Variants in FRAS1 observed in about 807,000 individuals in gnomAD.
FRAS1 encodes extracellular matrix organizing protein FRAS1.
FRAS1 carries 290 observed loss-of-function variants against 435.2 expected under a neutral mutation model. The observed-to-expected ratio is 0.67, with a 90% confidence interval of 0.61 to 0.73. The LOEUF (loss-of-function observed/expected upper bound fraction) is 0.73. Among genes scored for constraint, FRAS1 ranks in the 30% least tolerant of loss-of-function variants. The probability of loss-of-function intolerance (pLI) is 0.00; values close to 1 mark genes in which losing one functional copy is unlikely to be tolerated. For synonymous variants in FRAS1, 1,800 were observed against 1,851.0 expected (o/e 0.97, Z 0.71); for missense variants, 4,860 against 5,001.5 (o/e 0.97, Z 0.85).
intron 69 of FRAS1, among the ~76,000 whole-genome samples, chr4:78,524,592 T>C (rs1721477595): frequency 6.6e-6 from 1 of 152,236 alleles, no homozygotes; most frequent in Non-Finnish European, 1.5e-5. Context: ...ACCTAAGTAG[T>C]ATTTAGGAAT....
chr4:78,361,793 G>A (rs780521167), intron 20 of FRAS1, among the ~76,000 whole-genome samples: 2 of 152,186 alleles, frequency 1.3e-5, no homozygotes, highest in African/African-American at 2.4e-5. Flanking sequence ...GTGCATTAGC[G>A]AGTACAAACA....
chr4:78,289,495 C>T (rs774630079), intron 14 of FRAS1, among the ~76,000 whole-genome samples: 9 of 152,086 alleles, frequency 5.9e-5, no homozygotes, highest in Admixed American at 2.0e-4. Flanking sequence ...GAACCTAAAC[C>T]GGAGACAGAT....
intron 3 of FRAS1, among the ~76,000 whole-genome samples, chr4:78,244,159 A>G (rs866035205): frequency 6.6e-5 from 10 of 152,290 alleles, no homozygotes; most frequent in African/African-American, 2.4e-4. Context: ...CCTATTTCCC[A>G]TCCACTCTTG....
intron 64 of FRAS1, among the ~76,000 whole-genome samples, chr4:78,512,098 G>T (rs954576867): frequency 9.9e-5 from 15 of 152,150 alleles, no homozygotes; most frequent in African/African-American, 3.6e-4. Context: ...CTGAACAAAT[G>T]AATAATAACA....
chr4:78,212,588 C>T (rs1295631572), intron 2 of FRAS1, among the ~76,000 whole-genome samples: 2 of 152,208 alleles, frequency 1.3e-5, no homozygotes, highest in East Asian at 3.8e-4. Flanking sequence ...ATAGAAATGT[C>T]TCCATAAATG....
rs78953905 is a variant in FRAS1, at chr4:78,174,347, C to A, written c.109-63163C>A. Among the ~76,000 whole-genome samples the A allele has an allele frequency of 2.6e-3, 394 of 152,232 alleles. 2 individuals are homozygous for A. The highest frequency in any genetic ancestry group is 9.1e-3 in the African/African-American group (379 of 41,538). On this transcript the variant is annotated intron_variant, in intron 2 of 73. Transcript: ENST00000512123. ...TTCCATATTTGGTAGGATCATGGAA[C>A]CTGCTTAATGAAGACTTGAATGCCA...
At chr4:78,113,226 A>G (rs1742868109) in intron 2 of FRAS1, among the ~76,000 whole-genome samples, 1 of 152,136 alleles carries the variant, frequency 6.6e-6, no homozygotes, top group Non-Finnish European at 1.5e-5. Flanking sequence ...CCAGTCTATC[A>G]TTGTTGGACA....
At chr4:78,280,424 G>A (rs567395276) in intron 10 of FRAS1, among the ~76,000 whole-genome samples, 13 of 152,100 alleles carry the variant, frequency 8.5e-5, no homozygotes, top group African/African-American at 3.1e-4. Flanking sequence ...TACTTAGAAT[G>A]GCATGCAATT....
Position 78,058,096 on chromosome 4 carries a change from G to C in FRAS1, c.76+11G>C. 2.5e-6 allele frequency: 4 copies of C among 1,608,214 alleles called. No individual in the cohort carries two copies. The highest frequency in any genetic ancestry group is 1.4e-5 in the African/African-American group (1 of 73,884). On this transcript the variant is annotated intron_variant, in intron 1 of 73. Transcript: ENST00000512123. ...CTCATCATTCCGAAGGTGAGAGAGCGGTGCCGCGTGTGTGTGTGTGTGTGC... is the reference window on the plus strand; with the variant it reads ...CTCATCATTCCGAAGGTGAGAGAGCCGTGCCGCGTGTGTGTGTGTGTGTGC...
chr4:78,448,890 T>C (rs1463900534), intron 44 of FRAS1, among the ~76,000 whole-genome samples: 1 of 152,214 alleles, frequency 6.6e-6, no homozygotes, highest in Non-Finnish European at 1.5e-5. Flanking sequence ...AGTAGGAAGT[T>C]ACTTAATTAA....
In FRAS1 at chr4:78,438,615, C is replaced by G. The variant is rs373496578; in HGVS notation, c.5263C>G (p.Leu1755Val). The change falls in exon 39 of 74, where the codon CTG becomes GTG. Residue 1755 changes from leucine to valine, a missense_variant. Leu to Val is a conservative substitution (Grantham distance 32, BLOSUM62 1). Transcript: ENST00000512123. ...AGAGATCTGGATTCAGTTAAATTATCTGCCCTCATATGGTACTCTCTTAAG... is the reference window on the plus strand; with the variant it reads ...AGAGATCTGGATTCAGTTAAATTATGTGCCCTCATATGGTACTCTCTTAAG... The part of the protein sequence containing the change: ...DPEIWIQLNY[L>V]PSYGTLLRIS... The G allele has an allele frequency of 1.2e-5, 20 of 1,613,694 alleles. No individual in the cohort carries two copies. The African/African-American group carries it at 1.9e-4, about 15-fold the overall frequency.
At chr4:78,225,265 A>G (rs1028674723) in intron 2 of FRAS1, among the ~76,000 whole-genome samples, 3 of 152,196 alleles carry the variant, frequency 2.0e-5, no homozygotes, top group African/African-American at 7.2e-5. Context: ...CTTGGTCAAG[A>G]TACTTACCTT....
intron 42 of FRAS1, chr4:78,446,447 T>A: frequency 8.3e-7 from 1 of 1,206,326 alleles, no homozygotes; most frequent in Non-Finnish European, 1.0e-6. Context: ...AAAGCACATA[T>A]CCATATTTTT....
At chr4:78,104,687 GTGT>G (rs1183095774) in intron 2 of FRAS1, among the ~76,000 whole-genome samples, 2 of 152,134 alleles carry the variant, frequency 1.3e-5, no homozygotes, top group Non-Finnish European at 2.9e-5. Context: ...TCCATGCCAG[GTGT>G]TGGTGGTATG....
intron 29 of FRAS1, among the ~76,000 whole-genome samples, chr4:78,394,220 A>G (rs1732561333): frequency 6.6e-6 from 1 of 151,852 alleles, no homozygotes; most frequent in Admixed American, 6.6e-5. Flanking sequence ...GGTTTGACAT[A>G]ATCCTGCTTG....
chr4:78,200,064 A>T (rs562974042), intron 2 of FRAS1, among the ~76,000 whole-genome samples: 51 of 152,326 alleles, frequency 3.3e-4, no homozygotes, highest in African/African-American at 1.1e-3. Context: ...AGGTAATAAC[A>T]ACCACCATCA....
intron 2 of FRAS1, among the ~76,000 whole-genome samples, chr4:78,197,540 A>G (rs1449199515): frequency 1.3e-5 from 2 of 152,182 alleles, no homozygotes; most frequent in African/African-American, 2.4e-5. Flanking sequence ...AATGTAGAAA[A>G]GCCCAAAAGT....
At chr4:78,426,439 A>G in intron 35 of FRAS1, among the ~76,000 whole-genome samples, 1 of 152,144 alleles carries the variant, frequency 6.6e-6, no homozygotes, top group East Asian at 1.9e-4. Context: ...TTAAAGAAGA[A>G]AAACCCTTGG....
At chr4:78,501,257 G>A (rs182802125) in intron 61 of FRAS1, among the ~76,000 whole-genome samples, 2 of 152,166 alleles carry the variant, frequency 1.3e-5, no homozygotes, top group Admixed American at 1.3e-4. Context: ...GAGAATGATG[G>A]TTTCCAGCTT....
Sources: allele counts gnomAD v4.1 joint callset (sites outside exome capture counted in the v4.1 genomes callset), GRCh38; gene constraint gnomAD v4.1.1; transcripts MANE v1.5; gene names NCBI Gene and HGNC (gene_info 2026-07-23, HGNC 2026-07-21).